The following CDH4 variants were observed in gnomAD, a reference collection of about 807,000 sequenced individuals.
The protein encoded by CDH4 is cadherin 4.
In CDH4, 33 loss-of-function variants were observed where a neutral mutation model predicts 86.0. That is an observed-to-expected ratio of 0.38 (90% CI 0.29 to 0.51). CDH4 has a LOEUF of 0.51. Ranked by LOEUF, CDH4 falls within the 20% of genes least tolerant of loss-of-function variation. The pLI is 0.86. For missense variants in CDH4, 1,114 were observed against 1,307.4 expected (o/e 0.85, Z 2.28); for synonymous variants, 555 against 549.4 (o/e 1.01, Z -0.14).
chr20:61,861,597 A>G (rs956057516), intron 6 of CDH4, among the ~76,000 whole-genome samples: 1 of 151,900 alleles, frequency 6.6e-6, no homozygotes, highest in African/African-American at 2.4e-5. Flanking sequence ...AGAGAACCCA[A>G]CCACAGAAAA....
At chr20:61,836,355 A>C (rs775174478) in intron 4 of CDH4, among the ~76,000 whole-genome samples, 4 of 152,192 alleles carry the variant, frequency 2.6e-5, no homozygotes, top group Non-Finnish European at 2.9e-5. Flanking sequence ...AGAAGGAGCT[A>C]ATTCACTATT....
At chr20:61,631,224 G>A (rs918499638) in intron 2 of CDH4, among the ~76,000 whole-genome samples, 27 of 152,352 alleles carry the variant, frequency 1.8e-4, no homozygotes, top group Middle Eastern at 3.4e-3. Flanking sequence ...GCTGCTAGGC[G>A]TTTCCGTCTG....
In CDH4 at chr20:61,419,300, G is replaced by A. The variant is rs191280564; in HGVS notation, c.169+164363G>A. 1.1e-3 allele frequency among the ~76,000 whole-genome samples: 174 copies of A among 152,254 alleles called. 1 individual carries two copies. Among genetic ancestry groups the A allele is most frequent in the Non-Finnish European group, 2.4e-4 (16 of 68,026 alleles). On this transcript the variant is annotated intron_variant, in intron 2 of 15. Coordinates refer to ENST00000614565, the MANE Select transcript of CDH4 (RefSeq NM_001794.5). ...TTGTCTCTGCTCATCAGTTTCTATCGTACCCCGACAAATACATCCCCTCCC... is the reference window on the plus strand; with the variant it reads ...TTGTCTCTGCTCATCAGTTTCTATCATACCCCGACAAATACATCCCCTCCC...
intron 2 of CDH4, among the ~76,000 whole-genome samples, chr20:61,536,807 C>T (rs1171684365): frequency 6.6e-6 from 1 of 152,090 alleles, no homozygotes; most frequent in East Asian, 1.9e-4. Flanking sequence ...CGCTACACAC[C>T]CCACAGTGAC....
At chr20:61,790,098 C>T (rs1342388127) in intron 4 of CDH4, among the ~76,000 whole-genome samples, 3 of 151,994 alleles carry the variant, frequency 2.0e-5, no homozygotes, top group Admixed American at 6.6e-5. Flanking sequence ...TGTATCCACA[C>T]TTCTACCTAC....
chr20:61,768,562 T>G (rs1208760900), intron 3 of CDH4, among the ~76,000 whole-genome samples: 1 of 152,184 alleles, frequency 6.6e-6, no homozygotes. Context: ...TAGAAAATAT[T>G]TTTAAGTGTA....
At chr20:61,378,440 A>G (rs1314555371) in intron 2 of CDH4, among the ~76,000 whole-genome samples, 1 of 152,140 alleles carries the variant, frequency 6.6e-6, no homozygotes, top group Admixed American at 6.5e-5. Flanking sequence ...GGGCAGGACC[A>G]TGCTTGCTCC....
At chr20:61,308,310 CCAAAGCTGTCA>C (rs1274803017) in intron 2 of CDH4, among the ~76,000 whole-genome samples, 1 of 152,182 alleles carries the variant, frequency 6.6e-6, no homozygotes, top group African/African-American at 2.4e-5. Context: ...ACATACTTAA[CCAAAGCTGTCA>C]CAAAGCTGCC....
chr20:61,595,179 C>T (rs919394204), intron 2 of CDH4, among the ~76,000 whole-genome samples: 3 of 152,248 alleles, frequency 2.0e-5, no homozygotes, highest in East Asian at 3.8e-4. Flanking sequence ...GGCCCTTAGG[C>T]ATTCCTGAGT....
intron 2 of CDH4, among the ~76,000 whole-genome samples, chr20:61,349,102 A>T (rs1309867634): frequency 6.6e-6 from 1 of 152,190 alleles, no homozygotes; most frequent in Non-Finnish European, 1.5e-5. Context: ...TGCTTGGAAG[A>T]TCACACGTAT....
At chr20:61,398,707 C>T (rs1444100647) in intron 2 of CDH4, among the ~76,000 whole-genome samples, 1 of 152,256 alleles carries the variant, frequency 6.6e-6, no homozygotes, top group African/African-American at 2.4e-5. Context: ...AAAATATCTT[C>T]ACCACCACAT....
intron 2 of CDH4, among the ~76,000 whole-genome samples, chr20:61,715,446 A>C (rs2087942597): frequency 6.6e-6 from 1 of 152,164 alleles, no homozygotes. Context: ...CTGCTTCCTC[A>C]TACCATGAGG....
In CDH4 at chr20:61,315,110, C is replaced by T. The variant is rs569453274; in HGVS notation, c.169+60173C>T. 4.3e-4 allele frequency among the ~76,000 whole-genome samples: 66 copies of T among 152,294 alleles called. 1 individual carries two copies. The highest frequency in any genetic ancestry group is 3.4e-3 in the Middle Eastern group (1 of 294). ...CAGCTGGAAGCTCCATGCCAGACTC[C>T]TCCTCCTTGGGCTCAGGTGCATAGG... On this transcript the variant is annotated intron_variant, in intron 2 of 15. Transcript: ENST00000614565.
rs79259814 is a variant in CDH4 at position 61,450,105 on chromosome 20, C to T, written c.169+195168C>T. Among the ~76,000 whole-genome samples, 490 of 152,328 alleles carry T rather than the reference C, an allele frequency of 3.2e-3. 6 individuals carry two copies. The highest frequency in any genetic ancestry group is 0.011 in the African/African-American group (447 of 41,578). On this transcript the variant is annotated intron_variant, in intron 2 of 15. Transcript: ENST00000614565. ...ATTTCTACAGTGTTGACAATGATGT[C>T]ATTACAATCAAAACTATCTTAGTGG...
intron 2 of CDH4, among the ~76,000 whole-genome samples, chr20:61,359,607 G>A (rs2084773046): frequency 1.3e-5 from 2 of 152,228 alleles, no homozygotes; most frequent in African/African-American, 4.8e-5. Context: ...ACCCCTCGGT[G>A]CTTGTCTTTG....
intron 2 of CDH4, among the ~76,000 whole-genome samples, chr20:61,515,050 C>G (rs558343089): frequency 6.6e-6 from 1 of 152,344 alleles, no homozygotes; most frequent in East Asian, 1.9e-4. Flanking sequence ...TGCCAAAGTG[C>G]CAGGCACAGA....
At chr20:61,352,835 A>G (rs2084721300) in intron 2 of CDH4, among the ~76,000 whole-genome samples, 1 of 152,042 alleles carries the variant, frequency 6.6e-6, no homozygotes, top group African/African-American at 2.4e-5. Flanking sequence ...TTCATCCGGC[A>G]GTGCAGCCAG....
chr20:61,771,981 G>A (rs1383975230), intron 3 of CDH4, among the ~76,000 whole-genome samples: 1 of 152,196 alleles, frequency 6.6e-6, no homozygotes, highest in African/African-American at 2.4e-5. Context: ...CTGGCAACTG[G>A]GAGGCAGAGG....
intron 4 of CDH4, among the ~76,000 whole-genome samples, chr20:61,840,649 G>A (rs565327856): frequency 6.6e-6 from 1 of 152,332 alleles, no homozygotes; most frequent in African/African-American, 2.4e-5. Context: ...CACTGGAGGC[G>A]CCTGTCTGTG....
Sources: gnomAD v4.1 joint callset for allele counts (sites outside exome capture counted in the v4.1 genomes callset) on GRCh38, gnomAD v4.1.1 for gene constraint, MANE v1.5 for transcripts, NCBI Gene and HGNC (gene_info 2026-07-23, HGNC 2026-07-21) for gene names.